The following MAML3 variants were observed in gnomAD, a reference collection of about 807,000 sequenced individuals.
MAML3 encodes the protein mastermind like transcriptional coactivator 3, also known as mastermind-like protein 3.
MAML3 carries 27 observed loss-of-function variants against 101.9 expected under a neutral mutation model. The ratio of observed to expected loss-of-function variants is 0.27; its 90% CI spans 0.20 to 0.37. The LOEUF is 0.37. MAML3 is among the 10% of genes least tolerant of loss of function. The probability of loss-of-function intolerance (pLI) is 1.00; values close to 1 mark genes in which losing one functional copy is unlikely to be tolerated. For missense variants in MAML3, 1,316 were observed against 1,444.9 expected, an observed-to-expected ratio of 0.91 and a Z score of 1.45; for synonymous variants, 501 against 555.9, an observed-to-expected ratio of 0.90 and a Z score of 1.39.
chr4:139,986,034 C>T (rs186877953), intron 1 of MAML3, among the ~76,000 whole-genome samples: 32 of 152,338 alleles, frequency 2.1e-4, no homozygotes, highest in African/African-American at 7.7e-4. Context: ...AGATATCTAG[C>T]CCTCATTATG....
In MAML3 at chr4:139,912,724, A is replaced by G. The variant is rs72931694; in HGVS notation, c.469-21757T>C. On this transcript the variant is annotated intron_variant, in intron 1 of 4. Coordinates refer to ENST00000509479, the MANE Select transcript of MAML3 (RefSeq NM_018717.5). ...GCGGAGGCAGAGACTGGAGTTACGCAGCTGCAAGCTAAGGAATGCCAAAGA... is the reference window on the plus strand; with the variant it reads ...GCGGAGGCAGAGACTGGAGTTACGCGGCTGCAAGCTAAGGAATGCCAAAGA... Among the ~76,000 whole-genome samples the G allele has an allele frequency of 7.1e-3, 1,083 of 152,388 alleles. 7 individuals carry two copies. Among genetic ancestry groups the G allele is most frequent in the African/African-American group, 0.025 (1,024 of 41,590 alleles).
At chr4:140,039,625 G>A (rs1231090456) in intron 1 of MAML3, among the ~76,000 whole-genome samples, 3 of 152,140 alleles carry the variant, frequency 2.0e-5, no homozygotes, top group Admixed American at 1.3e-4. Flanking sequence ...ACATGGCATT[G>A]CCACTGCTTG....
chr4:139,869,317 G>A (rs1250914216), intron 2 of MAML3, among the ~76,000 whole-genome samples: 1 of 152,146 alleles, frequency 6.6e-6, no homozygotes, highest in Non-Finnish European at 1.5e-5. Flanking sequence ...TAGATCCATC[G>A]AGCTGCGGAT....
chr4:140,077,708 G>A (rs1253168065), intron 1 of MAML3, among the ~76,000 whole-genome samples: 1 of 152,016 alleles, frequency 6.6e-6, no homozygotes, highest in Non-Finnish European at 1.5e-5. Context: ...ATCCCTTTCT[G>A]AGCAAAGCAG....
chr4:139,981,092 G>A (rs1447428506), intron 1 of MAML3, among the ~76,000 whole-genome samples: 1 of 152,168 alleles, frequency 6.6e-6, no homozygotes, highest in Non-Finnish European at 1.5e-5. Context: ...TAGACAACAG[G>A]CATTTATTTT....
chr4:139,883,048 C>T (rs1029076201), intron 2 of MAML3, among the ~76,000 whole-genome samples: 2 of 152,082 alleles, frequency 1.3e-5, no homozygotes, highest in African/African-American at 2.4e-5. Flanking sequence ...GAGGTGGGAT[C>T]GAGAAAACAG....
intron 2 of MAML3, among the ~76,000 whole-genome samples, chr4:139,752,861 G>A (rs183909769): frequency 2.2e-4 from 33 of 152,286 alleles, no homozygotes; most frequent in African/African-American, 6.5e-4. Flanking sequence ...CTGTTAATGC[G>A]ATGTCATTAG....
chr4:139,734,182 G>A (rs888078503), intron 2 of MAML3, among the ~76,000 whole-genome samples: 6 of 152,170 alleles, frequency 3.9e-5, no homozygotes, highest in African/African-American at 1.4e-4. Flanking sequence ...ATAATACATG[G>A]CTTCTTTTAA....
At chr4:139,971,045 TCTA>T (rs1250270881) in intron 1 of MAML3, among the ~76,000 whole-genome samples, 1 of 152,204 alleles carries the variant, frequency 6.6e-6, no homozygotes, top group Non-Finnish European at 1.5e-5. Flanking sequence ...ATGATATGTG[TCTA>T]TGTATTAAGG....
At chr4:140,052,602 T>C (rs1406098646) in intron 1 of MAML3, among the ~76,000 whole-genome samples, 3 of 151,722 alleles carry the variant, frequency 2.0e-5, no homozygotes, top group African/African-American at 4.8e-5. Flanking sequence ...TGGTGTGATC[T>C]TGGCTCACTA....
intron 1 of MAML3, among the ~76,000 whole-genome samples, chr4:139,916,907 G>C (rs1024939342): frequency 1.3e-5 from 2 of 152,044 alleles, no homozygotes; most frequent in Non-Finnish European, 2.9e-5. Context: ...TTAACCTCCC[G>C]TACAATACCA....
intron 2 of MAML3, among the ~76,000 whole-genome samples, chr4:139,755,426 G>A (rs535950665): frequency 4.3e-4 from 65 of 152,254 alleles, no homozygotes; most frequent in Non-Finnish European, 7.6e-4. Context: ...GGCTAATACG[G>A]TGAAACCCCG....
intron 1 of MAML3, among the ~76,000 whole-genome samples, chr4:140,010,441 T>C (rs1383184329): frequency 2.0e-5 from 3 of 152,236 alleles, no homozygotes; most frequent in Non-Finnish European, 1.5e-5. Context: ...GTATATTTGT[T>C]GGTATAGTCA....
Position 139,725,847 on chromosome 4 carries a change from G to C in MAML3, c.2332-12C>G. 2 of 1,611,744 alleles carry C rather than the reference G, an allele frequency of 1.2e-6. No homozygotes were observed. The highest frequency in any genetic ancestry group is 1.7e-6 in the Non-Finnish European group (2 of 1,177,954). On this transcript the variant is annotated splice_polypyrimidine_tract_variant and intron_variant, in intron 3 of 4. Transcript: ENST00000509479. ...GATTGCTGCAACTGCTAGAACAACA[G>C]AACACAAGAGGGGTGGAGAGGTGAG...
intron 1 of MAML3, among the ~76,000 whole-genome samples, chr4:140,061,182 C>T (rs1268889383): frequency 6.6e-6 from 1 of 152,178 alleles, no homozygotes; most frequent in Non-Finnish European, 1.5e-5. Context: ...AATCCTAGAG[C>T]CGTATTTCAT....
intron 1 of MAML3, among the ~76,000 whole-genome samples, chr4:140,095,168 T>A (rs1578682056): frequency 1.3e-5 from 2 of 152,234 alleles, no homozygotes; most frequent in South Asian, 4.1e-4. Context: ...CATCTTTCTT[T>A]GCTCTCTTTT....
At chr4:139,904,347 G>C (rs1338696794) in intron 1 of MAML3, among the ~76,000 whole-genome samples, 1 of 152,184 alleles carries the variant, frequency 6.6e-6, no homozygotes, top group Non-Finnish European at 1.5e-5. Flanking sequence ...GGAATATTTT[G>C]CACAAATTTG....
intron 2 of MAML3, among the ~76,000 whole-genome samples, chr4:139,811,558 C>T (rs554067380): frequency 5.9e-5 from 9 of 152,270 alleles, no homozygotes; most frequent in East Asian, 1.9e-4. Context: ...GAGGCAGACC[C>T]GTATTACTAT....
intron 1 of MAML3, among the ~76,000 whole-genome samples, chr4:140,083,486 C>T (rs948038864): frequency 6.6e-6 from 1 of 152,168 alleles, no homozygotes; most frequent in Non-Finnish European, 1.5e-5. Flanking sequence ...GTCAGAAAAA[C>T]AGGAAGGAAT....
Sources: gnomAD v4.1 joint callset for allele counts (sites outside exome capture counted in the v4.1 genomes callset) on GRCh38, gnomAD v4.1.1 for gene constraint, MANE v1.5 for transcripts, NCBI Gene and HGNC (gene_info 2026-07-23, HGNC 2026-07-21) for gene names.